The following NUDT16 variants were observed in gnomAD, a reference collection of about 807,000 sequenced individuals.
NUDT16 encodes U8 snoRNA-decapping enzyme.
A neutral mutation model predicts 11.7 loss-of-function variants in NUDT16; 12 were observed. The observed-to-expected ratio is 1.03, with a 90% CI of 0.66 to 1.67. The LOEUF (loss-of-function observed/expected upper bound fraction) is 1.67. NUDT16 is among the 40% of genes most tolerant of loss of function. NUDT16 has a pLI of 0.00. For missense variants in NUDT16, 303 were observed against 268.9 expected (o/e 1.13, Z -0.89); for synonymous variants, 129 against 122.6 (o/e 1.05, Z -0.35).
At position 131,384,284 on chromosome 3, in the gene NUDT16, G is replaced by A. The variant is rs1464355394; in HGVS notation, c.*943G>A. Reference sequence around the variant, plus strand: ...CGGACTATGCAGAGTGCTTGTGAGGGTTTCACTAAAACAGAGGCAAAACTG... The same window carrying A: ...CGGACTATGCAGAGTGCTTGTGAGGATTTCACTAAAACAGAGGCAAAACTG... On this transcript the variant is annotated 3_prime_UTR_variant, in exon 3 of 3. Transcript: ENST00000521288. The A allele has an allele frequency of 6.6e-6, 1 of 152,214 alleles. No homozygotes were observed. Among genetic ancestry groups the A allele is most frequent in the African/African-American group, 2.4e-5 (1 of 41,422 alleles). 9.4% of individuals were successfully genotyped at this position (152,214 alleles called of 1,614,324 possible).
In NUDT16 at chr3:131,383,206, T is replaced by G; in HGVS notation, c.453T>G (p.Gly151=). 1.9e-6 allele frequency: 3 copies of G among 1,613,650 alleles called. No homozygotes were observed. The highest frequency in any genetic ancestry group is 2.5e-6 in the Non-Finnish European group (3 of 1,179,998). The change falls in exon 3 of 3, where the codon GGT becomes GGG. Residue 151 remains glycine (G), a synonymous_variant. Coordinates refer to ENST00000521288, the MANE Select transcript of NUDT16 (RefSeq NM_152395.3). This position sits in a 1 kb window ranked among gnomAD's most constrained non-coding sequence, Gnocchi z 4.4. ...VRVPLYTLRD[G]VGGLPTFLEN... is the part of the protein sequence containing the mutation. ...TGCCCCTGTATACCCTGCGGGATGG[T>G]GTAGGAGGCCTGCCTACCTTCCTGG...
rs2097459761 is a variant in NUDT16 at position 131,386,098 on chromosome 3, A to T, written c.*2757A>T. 1 of 152,102 alleles carries T rather than the reference A, an allele frequency of 6.6e-6. No individual in the cohort carries two copies. Among genetic ancestry groups the T allele is most frequent in the Non-Finnish European group, 1.5e-5 (1 of 68,048 alleles). The allele number at this position is 152,102 out of a possible 1,614,324, so 9.4% of individuals were successfully genotyped here. ...TTGCTTTTTATTTAGGTCTCTGGAG[A>T]TGGTTGCGTGGGGAAGAGCCCATGA... On this transcript the variant is annotated 3_prime_UTR_variant, in exon 3 of 3. Coordinates refer to ENST00000521288, the MANE Select transcript of NUDT16 (RefSeq NM_152395.3).
In NUDT16 at chr3:131,381,921, C is replaced by A. The variant is rs369569819; in HGVS notation, c.117C>A (p.Ile39=). The A allele has an allele frequency of 2.5e-6, 4 of 1,611,856 alleles. No homozygotes were observed. In the African/African-American group the frequency reaches 4.0e-5, roughly 16 times the overall value. The change falls in exon 1 of 3, where the codon ATC becomes ATA. Residue 39 remains isoleucine, a synonymous_variant. Transcript: ENST00000521288. Reference sequence around the variant, plus strand: ...ACCCTGGGATGCTCTTCGGCCGCATCCCGCTGCGCTACGCCATACTGGTGA... The same window carrying A: ...ACCCTGGGATGCTCTTCGGCCGCATACCGCTGCGCTACGCCATACTGGTGA... ...APDPGMLFGR[I]PLRYAILMQM...
chr3:131,382,605 T>A, intron 2 of NUDT16: 1 of 1,496,310 alleles, frequency 6.7e-7, no homozygotes, highest in Admixed American at 2.3e-5. Flanking sequence ...ATTATCACAT[T>A]ATCTAGGTGT....
intron 2 of NUDT16, 55 bp downstream of exon 2, chr3:131,382,370 TTCTC>T (rs778454894): frequency 1.2e-6 from 2 of 1,606,776 alleles, no homozygotes; most frequent in Non-Finnish European, 8.5e-7. Flanking sequence ...TCCCAAAGCT[TTCTC>T]TCCCCCAAGA....
chr3:131,385,423 T>A lies in NUDT16; in HGVS notation c.*2082T>A, dbSNP rs2097459368. 1 of 152,342 alleles carries A rather than the reference T, an allele frequency of 6.6e-6. No homozygotes were observed. Among genetic ancestry groups the A allele is most frequent in the African/African-American group, 2.4e-5 (1 of 41,416 alleles). 9.4% of individuals were successfully genotyped at this position (152,342 alleles called of 1,614,324 possible). ...AGAAACCGACAGATGTTGAGGAGAA[T>A]GGTGTGACCTAGGAGTCAGCATCCT... On this transcript the variant is annotated 3_prime_UTR_variant, in exon 3 of 3. Transcript: ENST00000521288.
Position 131,384,991 on chromosome 3 carries a change from C to CT in NUDT16, c.*1652dup, listed in dbSNP as rs1270247749. On this transcript the variant is annotated 3_prime_UTR_variant, in exon 3 of 3. Transcript: ENST00000521288. ...GGATTCAGGAGCTGGGATGGGTACA[C>CT]TTACTGCAGTGTTGGGGTTTTGCCA... The CT allele has an allele frequency of 6.6e-6, 1 of 152,302 alleles. No homozygotes were observed. The highest frequency in any genetic ancestry group is 1.5e-5 in the Non-Finnish European group (1 of 68,196). 9.4% of individuals were successfully genotyped at this position (152,302 alleles called of 1,614,324 possible).
intron 2 of NUDT16, chr3:131,382,564 T>A (rs1417396157): frequency 6.5e-7 from 1 of 1,534,182 alleles, no homozygotes; most frequent in Admixed American, 2.0e-5. Flanking sequence ...CATCCATGTC[T>A]CTCTGCTGTT....
In NUDT16 at chr3:131,382,140, G is replaced by T. The variant is rs143852427; in HGVS notation, c.233G>T (p.Arg78Leu). The change falls in exon 2 of 3, where the codon CGC becomes CTC. Residue 78 changes from arginine (R) to leucine (L), a missense_variant. Arg to Leu is a moderately radical substitution (Grantham distance 102, BLOSUM62 -2). Coordinates refer to ENST00000521288, the MANE Select transcript of NUDT16 (RefSeq NM_152395.3). The stretch of plus-strand genomic sequence containing the variant: ...GAGGACGGGCTGAACCGCGAGCTGC[G>T]CGAGGAGCTGGGCGAAGCGGCTGCC... ...SLEDGLNREL[R>L]EELGEAAAAF... 1 of 1,611,456 alleles carries T rather than the reference G, an allele frequency of 6.2e-7. No individual in the cohort carries two copies. Among genetic ancestry groups the T allele is most frequent in the Non-Finnish European group, 8.5e-7 (1 of 1,179,168 alleles).
At position 131,385,072 on chromosome 3, in the gene NUDT16, G is replaced by GA. The variant is rs1293565351; in HGVS notation, c.*1734dup. The GA allele has an allele frequency of 2.0e-5, 3 of 152,294 alleles. No homozygotes were observed. In the East Asian group the frequency reaches 5.8e-4, roughly 29 times the overall value. 9.4% of individuals were successfully genotyped at this position (152,294 alleles called of 1,614,324 possible). A position where few individuals can be genotyped will look rare whatever the true frequency, so the allele number is the denominator to read the frequency against. ...GTCAGTTCAGAAGACATACACAGGA[G>GA]AAATTGTAGTGATGAAATGTGCAGT... is the stretch of plus-strand genomic sequence containing the variant. On this transcript the variant is annotated 3_prime_UTR_variant, in exon 3 of 3. Coordinates refer to ENST00000521288, the MANE Select transcript of NUDT16 (RefSeq NM_152395.3).
chr3:131,387,114 A>C lies in NUDT16; in HGVS notation c.*3773A>C, dbSNP rs1024913852. 1 of 152,216 alleles carries C rather than the reference A, an allele frequency of 6.6e-6. No homozygotes were observed. Among genetic ancestry groups the C allele is most frequent in the African/African-American group, 2.4e-5 (1 of 41,448 alleles). 9.4% of individuals were successfully genotyped at this position (152,216 alleles called of 1,614,324 possible). ...GGCACTTATCAGAGAAGTATAGAAG[A>C]GCCAGGTAGGGGATTTTATTTACAA... On this transcript the variant is annotated 3_prime_UTR_variant, in exon 3 of 3. Coordinates refer to ENST00000521288, the MANE Select transcript of NUDT16 (RefSeq NM_152395.3).
chr3:131,385,636 G>C lies in NUDT16; in HGVS notation c.*2295G>C, dbSNP rs921916063. The C allele has an allele frequency of 6.6e-6, 1 of 152,338 alleles. No individual in the cohort carries two copies. Among genetic ancestry groups the C allele is most frequent in the African/African-American group, 2.4e-5 (1 of 41,462 alleles). 9.4% of individuals were successfully genotyped at this position (152,338 alleles called of 1,614,324 possible). A position where few individuals can be genotyped will look rare whatever the true frequency, so the allele number is the denominator to read the frequency against. On this transcript the variant is annotated 3_prime_UTR_variant, in exon 3 of 3. Coordinates refer to ENST00000521288, the MANE Select transcript of NUDT16 (RefSeq NM_152395.3). ...GGTCTTAGAAGAATGGGAGTACCCA[G>C]TGGGGGAGCAGCTGTACAATGAGGT...
Position 131,384,272 on chromosome 3 carries a change from G to A in NUDT16, c.*931G>A, listed in dbSNP as rs1050383637. Reference sequence around the variant, plus strand: ...GAAGACAGAAAGCGGACTATGCAGAGTGCTTGTGAGGGTTTCACTAAAACA... The same window carrying A: ...GAAGACAGAAAGCGGACTATGCAGAATGCTTGTGAGGGTTTCACTAAAACA... On this transcript the variant is annotated 3_prime_UTR_variant, in exon 3 of 3. Transcript: ENST00000521288. 1 of 152,318 alleles carries A rather than the reference G, an allele frequency of 6.6e-6. No homozygotes were observed. Among genetic ancestry groups the A allele is most frequent in the African/African-American group, 2.4e-5 (1 of 41,454 alleles). The allele number at this position is 152,318 out of a possible 1,614,324, so 9.4% of individuals were successfully genotyped here.
chr3:131,381,680 G>A (rs1218167933), upstream of NUDT16: 6 of 1,107,574 alleles, frequency 5.4e-6, no homozygotes, highest in East Asian at 1.1e-4. Context: ...CAGGCGCCTA[G>A]GTTCCTCCCC....
In NUDT16 at chr3:131,383,134, A is replaced by C; in HGVS notation, c.409-28A>C. 6.2e-7 allele frequency: 1 copy of C among 1,602,876 alleles called. No homozygotes were observed. The highest frequency in any genetic ancestry group is 8.5e-7 in the Non-Finnish European group (1 of 1,174,158). ...AAGGGAATGAGCCACCTGGGGCCCT[A>C]GTGTCTCCTGTCTCCTTCCTTTTAC... On this transcript the variant is annotated intron_variant, in intron 2 of 2. Transcript: ENST00000521288. This position sits in a 1 kb window ranked among gnomAD's most constrained non-coding sequence, Gnocchi z 4.4.
At chr3:131,381,757 C>T (rs1197252205), upstream of NUDT16, 15 of 1,524,340 alleles carry the variant, frequency 9.8e-6, no homozygotes, top group Non-Finnish European at 1.1e-5. Flanking sequence ...TGAGACCCGC[C>T]CCTCTGCCCA....
rs559715409 is a variant in NUDT16 at position 131,383,730 on chromosome 3, T to C, written c.*389T>C. ...CCCTGGTCCCTGATTGCAAGGAGCT[T>C]CTGAAGCAAGGGTGAATCCTTCCCA... On this transcript the variant is annotated 3_prime_UTR_variant, in exon 3 of 3. Coordinates refer to ENST00000521288, the MANE Select transcript of NUDT16 (RefSeq NM_152395.3). This position sits in a 1 kb window ranked among gnomAD's most constrained non-coding sequence, Gnocchi z 4.4. 1 of 438,570 alleles carries C rather than the reference T, an allele frequency of 2.3e-6. No individual in the cohort carries two copies. The highest frequency in any genetic ancestry group is 2.0e-5 in the African/African-American group (1 of 50,468). The allele number at this position is 438,570 out of a possible 1,614,324, so 27.2% of individuals were successfully genotyped here.
upstream of NUDT16, chr3:131,381,758 C>T: frequency 1.3e-6 from 2 of 1,529,214 alleles, no homozygotes; most frequent in Non-Finnish European, 1.8e-6. Context: ...GAGACCCGCC[C>T]CTCTGCCCAT....
chr3:131,382,991 TG>T, intron 2 of NUDT16, 170 bp from the exon 3 acceptor site: 1 of 702,960 alleles, frequency 1.4e-6, no homozygotes, highest in Non-Finnish European at 2.4e-6. Context: ...TAATATGTTT[TG>T]GGTCATTTTC....
Sources: gnomAD v4.1 joint callset for allele counts on GRCh38, gnomAD v4.1.1 for gene constraint, Gnocchi (gnomAD v3.1) non-coding constraint, MANE v1.5 for transcripts, NCBI Gene and HGNC (gene_info 2026-07-23, HGNC 2026-07-21) for gene names.